Variants in UEVLD observed in about 807,000 individuals in gnomAD.
The protein encoded by UEVLD is UEV and lactate/malate dehyrogenase domains.
UEVLD carries 47 observed loss-of-function variants against 58.6 expected under a neutral mutation model. The observed-to-expected ratio is 0.80, with a 90% CI of 0.63 to 1.02. The LOEUF (loss-of-function observed/expected upper bound fraction) is 1.02. Ranked by LOEUF, UEVLD falls within the 50% of genes least tolerant of loss-of-function variation. The probability of loss-of-function intolerance (pLI) is 0.00; values close to 1 mark genes in which losing one functional copy is unlikely to be tolerated. For synonymous variants in UEVLD, 197 were observed against 195.3 expected, an observed-to-expected ratio of 1.01 and a Z score of -0.07; for missense variants, 510 against 550.6, an observed-to-expected ratio of 0.93 and a Z score of 0.74.
chr11:18,555,725 A>G (rs1851727619), intron 7 of UEVLD, among the ~76,000 whole-genome samples: 6 of 152,188 alleles, frequency 3.9e-5, no homozygotes, highest in Admixed American at 2.0e-4. Flanking sequence ...AGGCAGGAGG[A>G]CTGCTTGAGG....
In UEVLD at chr11:18,564,152, G is replaced by A. The variant is rs554451578; in HGVS notation, c.612+740C>T. Among the ~76,000 whole-genome samples the A allele has an allele frequency of 2.0e-5, 3 of 152,120 alleles. No individual in the cohort carries two copies. In the South Asian group the frequency reaches 6.2e-4, roughly 32 times the overall value. On this transcript the variant is annotated intron_variant, in intron 6 of 11. Transcript: ENST00000396197. ...CTCCATGGATATAATTTAATTATTT[G>A]CTGCAGTAGAACCCACCTCCAAGAC... is the stretch of plus-strand genomic sequence containing the variant.
Position 18,544,704 on chromosome 11 carries a change from G to C in UEVLD, c.979C>G (p.Gln327Glu). Residue 327 changes from glutamine to glutamate, a missense_variant, in exon 9 of 12, where the codon CAG (glutamine) becomes GAG (glutamate). Transcript: ENST00000396197. ...IGCNLDSQRL[Q>E]YIITNVLKAQ... ...TTCAAAACATTTGTAATAATATACT[G>C]TAATCTCTGTGAATCCAGATTACAT... 1 of 1,585,196 alleles carries C rather than the reference G, an allele frequency of 6.3e-7. No individual in the cohort carries two copies. Among genetic ancestry groups the C allele is most frequent in the South Asian group, 1.2e-5 (1 of 85,558 alleles).
At chr11:18,572,963 A>T (rs1284382038) in intron 3 of UEVLD, among the ~76,000 whole-genome samples, 4 of 152,232 alleles carry the variant, frequency 2.6e-5, no homozygotes, top group African/African-American at 9.6e-5. Flanking sequence ...CCCATTTTAC[A>T]GATGAGAAAG....
intron 1 of UEVLD, among the ~76,000 whole-genome samples, chr11:18,586,278 G>A (rs1263518612): frequency 1.3e-5 from 2 of 151,754 alleles, no homozygotes; most frequent in Admixed American, 1.3e-4. Flanking sequence ...GCAGTGGCAC[G>A]ATCTTGGGCC....
chr11:18,575,513 C>T, intron 2 of UEVLD, 101 bp from the exon 3 acceptor site: 2 of 977,722 alleles, frequency 2.0e-6, no homozygotes, highest in South Asian at 1.6e-5. Flanking sequence ...TGAATATACA[C>T]ACACAAATAC....
intron 3 of UEVLD, 112 bp downstream of exon 3, chr11:18,575,235 G>C: frequency 8.7e-7 from 1 of 1,153,468 alleles, no homozygotes; most frequent in Non-Finnish European, 1.2e-6. Context: ...GTTCTGTATA[G>C]GTCATATATC....
intron 9 of UEVLD, among the ~76,000 whole-genome samples, chr11:18,541,429 T>C (rs553482945): frequency 1.3e-4 from 20 of 152,330 alleles, no homozygotes; most frequent in African/African-American, 4.8e-4. Flanking sequence ...ATAACTGTGA[T>C]TGTCCCTAGG....
rs1259814031 is a variant in UEVLD, at chr11:18,530,498, C to CT, written c.*1821dup. ...CTATTTCCTCTTTACTAGGATGTGT[C>CT]TGCCCTTATAAACCCTCCTAACTCC... On this transcript the variant is annotated 3_prime_UTR_variant, in exon 12 of 12. Transcript: ENST00000396197. 1 of 152,148 alleles carries CT rather than the reference C, an allele frequency of 6.6e-6. No individual in the cohort carries two copies. Among genetic ancestry groups the CT allele is most frequent in the Non-Finnish European group, 1.5e-5 (1 of 68,020 alleles). 9.4% of individuals were successfully genotyped at this position (152,148 alleles called of 1,614,324 possible). A position where few individuals can be genotyped will look rare whatever the true frequency, so the allele number is the denominator to read the frequency against.
chr11:18,566,549 G>A (rs1852313376), intron 4 of UEVLD, 67 bp from the exon 5 acceptor site: 3 of 1,542,368 alleles, frequency 1.9e-6, no homozygotes, highest in South Asian at 2.3e-5. Flanking sequence ...CCTTTGTTGA[G>A]GCAGGAGTAT....
Position 18,551,471 on chromosome 11 carries a change from A to G in UEVLD, c.716-4421T>C, listed in dbSNP as rs1160023241. 2.0e-5 allele frequency among the ~76,000 whole-genome samples: 3 copies of G among 147,626 alleles called. No individual in the cohort carries two copies. In the East Asian group the frequency reaches 6.2e-4, roughly 30 times the overall value. The stretch of plus-strand genomic sequence containing the variant: ...CAGGATAAAAGTTCATTCGACAATA[A>G]TGAATTCAACAAACCCCTACTAAGG... On this transcript the variant is annotated intron_variant, in intron 7 of 11. Transcript: ENST00000396197.
chr11:18,545,929 C>T (rs1851287650), intron 8 of UEVLD, among the ~76,000 whole-genome samples: 1 of 151,892 alleles, frequency 6.6e-6, no homozygotes, highest in South Asian at 2.1e-4. Context: ...GATTCATATG[C>T]CACCATGATT....
intron 1 of UEVLD, chr11:18,579,348 A>C (rs1565142947): frequency 1.7e-6 from 1 of 584,798 alleles, no homozygotes; most frequent in Non-Finnish European, 2.2e-6. Flanking sequence ...GCTGAGTCAT[A>C]TAGCAAGTTA....
chr11:18,585,759 T>A (rs1853519070), intron 1 of UEVLD, among the ~76,000 whole-genome samples: 1 of 152,090 alleles, frequency 6.6e-6, no homozygotes. Flanking sequence ...TGCCTCAGCC[T>A]CCCAAGTAGC....
At chr11:18,567,433 T>C (rs770882030) in intron 4 of UEVLD, among the ~76,000 whole-genome samples, 11 of 152,116 alleles carry the variant, frequency 7.2e-5, no homozygotes, top group Non-Finnish European at 1.5e-4. Flanking sequence ...AGAGTCTGAG[T>C]TTCACTATTT....
chr11:18,585,644 T>TA (rs200516286), intron 1 of UEVLD, among the ~76,000 whole-genome samples: 2 of 100,194 alleles, frequency 2.0e-5, no homozygotes, highest in African/African-American at 3.3e-5. Context: ...TTATTATTAT[T>TA]TTTTTTTTTT....
chr11:18,566,337 A>G lies in UEVLD; in HGVS notation c.493+10T>C, dbSNP rs1390529007. Reference sequence around the variant, plus strand: ...ACTCTCAAGATAATCTGCCTGACAAATATACAAACCTTCAGTGATTTTTGC... The same window carrying G: ...ACTCTCAAGATAATCTGCCTGACAAGTATACAAACCTTCAGTGATTTTTGC... On this transcript the variant is annotated intron_variant, in intron 5 of 11. Coordinates refer to ENST00000396197, the MANE Select transcript of UEVLD (RefSeq NM_001040697.4). 6.2e-7 allele frequency: 1 copy of G among 1,613,744 alleles called. No homozygotes were observed. Among genetic ancestry groups the G allele is most frequent in the East Asian group, 2.2e-5 (1 of 44,868 alleles).
intron 1 of UEVLD, among the ~76,000 whole-genome samples, chr11:18,587,422 G>A (rs1853634026): frequency 1.3e-5 from 2 of 152,230 alleles, no homozygotes; most frequent in Admixed American, 1.3e-4. Context: ...CCACGGGTAT[G>A]TAAACTGCCC....
intron 1 of UEVLD, among the ~76,000 whole-genome samples, chr11:18,584,658 A>G (rs548417119): frequency 6.6e-5 from 10 of 152,154 alleles, no homozygotes; most frequent in Admixed American, 6.5e-4. Context: ...TTTGAGACGG[A>G]GTCTTGCTCT....
intron 1 of UEVLD, 52 bp downstream of exon 1, chr11:18,588,561 C>T: frequency 6.3e-7 from 1 of 1,594,348 alleles, no homozygotes; most frequent in Non-Finnish European, 8.5e-7. Context: ...AAGGCAGAGG[C>T]ACCCCCCGCA....
Sources: allele counts gnomAD v4.1 joint callset (sites outside exome capture counted in the v4.1 genomes callset), GRCh38; gene constraint gnomAD v4.1.1; transcripts MANE v1.5; gene names NCBI Gene and HGNC (gene_info 2026-07-23, HGNC 2026-07-21).